Variants in ERCC8 observed in about 807,000 individuals in gnomAD.
ERCC8 encodes the protein DNA excision repair protein ERCC-8.
A neutral mutation model predicts 54.9 loss-of-function variants in ERCC8; 52 were observed. That is an observed-to-expected ratio of 0.95 (90% CI 0.76 to 1.19). The LOEUF is 1.19. Among genes scored for constraint, ERCC8 ranks in the 50% most tolerant of loss-of-function variants. The probability of loss-of-function intolerance (pLI) is 0.00; values close to 1 mark genes in which losing one functional copy is unlikely to be tolerated. For missense variants in ERCC8, 514 were observed against 466.1 expected (o/e 1.10, Z -0.95); for synonymous variants, 146 against 157.2 (o/e 0.93, Z 0.53).
chr5:60,883,477 C>T (rs753749013), intron 11 of ERCC8, among the ~76,000 whole-genome samples: 2 of 152,098 alleles, frequency 1.3e-5, no homozygotes, highest in Non-Finnish European at 2.9e-5. Flanking sequence ...GTTGTCAATT[C>T]TACTGACAGA....
chr5:60,905,082 T>C (rs1028435505), intron 4 of ERCC8, among the ~76,000 whole-genome samples: 1 of 152,004 alleles, frequency 6.6e-6, no homozygotes, highest in African/African-American at 2.4e-5. Flanking sequence ...TGAAAAAAAA[T>C]ATGTTTTCCC....
At chr5:60,893,063 G>C in intron 9 of ERCC8, 1 of 778,080 alleles carries the variant, frequency 1.3e-6, no homozygotes, top group South Asian at 1.4e-5. Context: ...CAACCTCCTT[G>C]GGGTCCAGGT....
intron 3 of ERCC8, among the ~76,000 whole-genome samples, chr5:60,921,291 G>A (rs1484966813): frequency 4.6e-5 from 7 of 151,916 alleles, no homozygotes; most frequent in African/African-American, 1.7e-4. Context: ...GGGAAGAGCT[G>A]TAATAGATAG....
Position 60,904,814 on chromosome 5 carries a change from G to T in ERCC8, c.459C>A (p.Ser153=). Residue 153 remains serine, a synonymous_variant, in exon 5 of 12, where the codon TCC becomes TCA. Transcript: ENST00000676185. ...AACCTGCTACCAAACAGTGCTTGGT[G>T]GAGACTGGAGACATATGATGACTAT... ...TVYSHHMSPV[S]TKHCLVAVGT... is the part of the protein sequence containing the mutation. The T allele has an allele frequency of 6.3e-7, 1 of 1,598,856 alleles. No individual in the cohort carries two copies. Among genetic ancestry groups the T allele is most frequent in the Non-Finnish European group, 8.6e-7 (1 of 1,167,272 alleles).
chr5:60,920,943 T>C (rs1749582361), intron 3 of ERCC8, among the ~76,000 whole-genome samples: 1 of 151,908 alleles, frequency 6.6e-6, no homozygotes, highest in Non-Finnish European at 1.5e-5. Flanking sequence ...TTTTTTGTTA[T>C]TGAGGGTGGG....
intron 1 of ERCC8, among the ~76,000 whole-genome samples, chr5:60,938,073 A>T (rs1580051463): frequency 3.3e-5 from 1 of 30,670 alleles, no homozygotes; most frequent in Non-Finnish European, 6.1e-5. Flanking sequence ...ATATATATAT[A>T]TATATATATA....
chr5:60,881,918 G>A (rs1456790336), intron 11 of ERCC8, among the ~76,000 whole-genome samples: 1 of 152,196 alleles, frequency 6.6e-6, no homozygotes, highest in African/African-American at 2.4e-5. Context: ...TACCTCAGTT[G>A]GAAATGCATA....
intron 9 of ERCC8, among the ~76,000 whole-genome samples, chr5:60,897,102 C>T (rs549794552): frequency 5.9e-5 from 9 of 152,234 alleles, no homozygotes; most frequent in East Asian, 5.8e-4. Flanking sequence ...AGGAAGTTCT[C>T]GCCTCAGGGT....
intron 1 of ERCC8, among the ~76,000 whole-genome samples, chr5:60,930,145 G>C (rs1396448647): frequency 6.6e-6 from 1 of 152,226 alleles, no homozygotes; most frequent in East Asian, 1.9e-4. Context: ...ACAATGACAA[G>C]CAGGCCAGGC....
intron 2 of ERCC8, among the ~76,000 whole-genome samples, chr5:60,926,236 G>A (rs1749747183): frequency 1.3e-5 from 2 of 152,184 alleles, no homozygotes; most frequent in Non-Finnish European, 2.9e-5. Flanking sequence ...TAAATGTAGA[G>A]GCAGTGCTAT....
intron 1 of ERCC8, among the ~76,000 whole-genome samples, chr5:60,930,038 G>A (rs1052022823): frequency 7.9e-5 from 12 of 152,202 alleles, no homozygotes; most frequent in African/African-American, 2.9e-4. Flanking sequence ...ATTAGTACAA[G>A]TAATTATAAG....
At chr5:60,918,227 T>C (rs752768220) in intron 4 of ERCC8, 38 bp downstream of exon 4, 8 of 1,497,510 alleles carry the variant, frequency 5.3e-6, no homozygotes, top group Non-Finnish European at 6.5e-6. Context: ...TTCTCCTTTA[T>C]CCTACAAAGC....
chr5:60,867,752 C>A lies in ERCC8; in HGVS notation c.*6863G>T, dbSNP rs961358254. On this transcript the variant is annotated 3_prime_UTR_variant, in exon 12 of 12. Coordinates refer to ENST00000676185, the MANE Select transcript of ERCC8 (RefSeq NM_000082.4). ...ACATGGGAGAAGCAGCTCTCCTGCT[C>A]CTGGTGGTGTTTTTACAGAAGGTGT... 3.9e-5 allele frequency among the ~76,000 whole-genome samples: 6 copies of A among 152,134 alleles called. No individual in the cohort carries two copies. The highest frequency in any genetic ancestry group is 8.8e-5 in the Non-Finnish European group (6 of 68,020).
chr5:60,920,022 T>C (rs1300158935), intron 3 of ERCC8, among the ~76,000 whole-genome samples: 1 of 152,030 alleles, frequency 6.6e-6, no homozygotes, highest in Non-Finnish European at 1.5e-5. Flanking sequence ...CTACCTCTTC[T>C]TACAGAAAGC....
At chr5:60,921,150 C>T (rs114691972) in intron 3 of ERCC8, among the ~76,000 whole-genome samples, 3,808 of 151,924 alleles carry the variant, frequency 0.025, 78 homozygotes, top group Non-Finnish European at 0.042. Flanking sequence ...ATACTGATTT[C>T]TAAAATAAAA....
chr5:60,898,952 TA>T (rs1554073146), intron 8 of ERCC8, among the ~76,000 whole-genome samples: 1 of 151,306 alleles, frequency 6.6e-6, no homozygotes, highest in Non-Finnish European at 1.5e-5. Flanking sequence ...TAAGGTTTTT[TA>T]AAAAACTATA....
chr5:60,882,791 C>T (rs1462005512), intron 11 of ERCC8, among the ~76,000 whole-genome samples: 2 of 152,226 alleles, frequency 1.3e-5, no homozygotes, highest in East Asian at 1.9e-4. Context: ...GTCTTTCATC[C>T]AAATGTTTAC....
intron 1 of ERCC8, among the ~76,000 whole-genome samples, chr5:60,929,927 T>C (rs1749858486): frequency 6.6e-6 from 1 of 152,216 alleles, no homozygotes; most frequent in Non-Finnish European, 1.5e-5. Flanking sequence ...CTAGTTTAAA[T>C]ATCAAATTAT....
At chr5:60,897,456 T>C (rs536331611) in intron 9 of ERCC8, among the ~76,000 whole-genome samples, 2 of 152,368 alleles carry the variant, frequency 1.3e-5, no homozygotes, top group South Asian at 4.1e-4. Flanking sequence ...TAAATGCTAA[T>C]TATTATTAGC....
Sources: gnomAD v4.1 joint callset for allele counts (sites outside exome capture counted in the v4.1 genomes callset) on GRCh38, gnomAD v4.1.1 for gene constraint, MANE v1.5 for transcripts, NCBI Gene and HGNC (gene_info 2026-07-23, HGNC 2026-07-21) for gene names.